DTNA: variants seen among roughly 807,000 people sequenced by gnomAD.
DTNA encodes dystrobrevin alpha.
Under a neutral mutation model 100.7 loss-of-function variants are expected in DTNA, and 43 were observed. That is an observed-to-expected ratio of 0.43 (90% confidence interval 0.33 to 0.55). The LOEUF (loss-of-function observed/expected upper bound fraction) is 0.55, where lower values mean the gene tolerates loss of function less well. Among genes scored for constraint, DTNA ranks in the 20% least tolerant of loss-of-function variants. The probability of loss-of-function intolerance (pLI) is 0.04; values close to 1 mark genes in which losing one functional copy is unlikely to be tolerated. For missense variants in DTNA, 798 were observed against 953.9 expected (o/e 0.84, Z 2.15); for synonymous variants, 349 against 347.9 (o/e 1.00, Z -0.04).
chr18:34,538,760 A>G (rs1281231876), intron 1 of DTNA, among the ~76,000 whole-genome samples: 1 of 152,022 alleles, frequency 6.6e-6, no homozygotes, highest in Non-Finnish European at 1.5e-5. Flanking sequence ...AATGAATTCT[A>G]CATGGTCTAA....
intron 3 of DTNA, among the ~76,000 whole-genome samples, chr18:34,793,407 T>A (rs1418151609): frequency 6.6e-6 from 1 of 152,238 alleles, no homozygotes; most frequent in African/African-American, 2.4e-5. Context: ...TTGACCAGCC[T>A]AGTTCAGTGA....
chr18:34,577,273 A>G (rs1263804739), intron 1 of DTNA, among the ~76,000 whole-genome samples: 1 of 152,112 alleles, frequency 6.6e-6, no homozygotes, highest in Admixed American at 6.5e-5. Flanking sequence ...AACATATCTA[A>G]TGTGTCTTAC....
intron 1 of DTNA, among the ~76,000 whole-genome samples, chr18:34,726,514 G>A (rs2086728020): frequency 6.6e-6 from 1 of 152,198 alleles, no homozygotes; most frequent in Non-Finnish European, 1.5e-5. Context: ...CAGGCATTGA[G>A]TAAACATTCC....
chr18:34,510,450 A>G (rs2144881615), intron 1 of DTNA, among the ~76,000 whole-genome samples: 1 of 151,954 alleles, frequency 6.6e-6, no homozygotes, highest in East Asian at 1.9e-4. Context: ...CAAGGCCGTG[A>G]CAAGACTGCA....
At chr18:34,660,632 T>C (rs192287614) in intron 1 of DTNA, among the ~76,000 whole-genome samples, 1 of 152,100 alleles carries the variant, frequency 6.6e-6, no homozygotes, top group African/African-American at 2.4e-5. Flanking sequence ...ACATTTACAA[T>C]CTAATCTCTC....
chr18:34,531,625 T>A (rs889295541), intron 1 of DTNA, among the ~76,000 whole-genome samples: 1 of 152,142 alleles, frequency 6.6e-6, no homozygotes, highest in Admixed American at 6.6e-5. Context: ...CACAAAATAT[T>A]TAATAAGACT....
chr18:34,503,638 A>G (rs2040182716), intron 1 of DTNA, among the ~76,000 whole-genome samples: 2 of 151,942 alleles, frequency 1.3e-5, no homozygotes, highest in South Asian at 2.1e-4. Flanking sequence ...TAATTGGTAT[A>G]TTTAAACCAT....
At chr18:34,785,976 T>G (rs1376337719) in intron 3 of DTNA, among the ~76,000 whole-genome samples, 1 of 152,188 alleles carries the variant, frequency 6.6e-6, no homozygotes, top group Non-Finnish European at 1.5e-5. Context: ...GTAATGAGTC[T>G]CAGGAACCTA....
At position 34,890,041 on chromosome 18, in the gene DTNA, A is replaced by T; in HGVS notation, c.*2307A>T. 1 of 1,299,948 alleles carries T rather than the reference A, an allele frequency of 7.7e-7. No individual in the cohort carries two copies. Among genetic ancestry groups the T allele is most frequent in the South Asian group, 2.2e-5 (1 of 45,756 alleles). 80.5% of individuals were successfully genotyped at this position (1,299,948 alleles called of 1,614,324 possible). ...TAGCCAGGTAGTTCTTGAACTCAGA[A>T]CTTAAATCCTGCACGTGGCACTCCA... On this transcript the variant is annotated 3_prime_UTR_variant, in exon 23 of 23. Transcript: ENST00000444659.
intron 1 of DTNA, among the ~76,000 whole-genome samples, chr18:34,513,228 T>G (rs1009195002): frequency 6.6e-6 from 1 of 152,096 alleles, no homozygotes; most frequent in Non-Finnish European, 1.5e-5. Flanking sequence ...CAGAAAACAC[T>G]GGTTGAGATT....
intron 2 of DTNA, among the ~76,000 whole-genome samples, chr18:34,765,749 T>C (rs1465057685): frequency 6.6e-6 from 1 of 152,196 alleles, no homozygotes; most frequent in African/African-American, 2.4e-5. Context: ...TAATCTCCAA[T>C]GTTGATTACA....
At chr18:34,498,098 T>G (rs1229971258) in intron 1 of DTNA, among the ~76,000 whole-genome samples, 1 of 151,818 alleles carries the variant, frequency 6.6e-6, no homozygotes, top group Non-Finnish European at 1.5e-5. Flanking sequence ...CTGGCCAATA[T>G]TGTGAAACCC....
chr18:34,720,041 C>T (rs771281464), intron 1 of DTNA, among the ~76,000 whole-genome samples: 4 of 152,002 alleles, frequency 2.6e-5, no homozygotes, highest in Non-Finnish European at 4.4e-5. Context: ...GAATTAAATG[C>T]GCTAATATTT....
chr18:34,765,603 A>G (rs1014939000), intron 2 of DTNA, among the ~76,000 whole-genome samples: 1 of 152,204 alleles, frequency 6.6e-6, no homozygotes, highest in African/African-American at 2.4e-5. Flanking sequence ...TGCACTTTAA[A>G]TGCTTATTTG....
At chr18:34,663,982 A>G (rs2075558798) in intron 1 of DTNA, among the ~76,000 whole-genome samples, 1 of 152,192 alleles carries the variant, frequency 6.6e-6, no homozygotes, top group African/African-American at 2.4e-5. Context: ...AATTGAGTTT[A>G]CTGTAATAGA....
chr18:34,531,849 C>G (rs2043170637), intron 1 of DTNA, among the ~76,000 whole-genome samples: 3 of 152,000 alleles, frequency 2.0e-5, no homozygotes, highest in Non-Finnish European at 2.9e-5. Context: ...TTTAAGTGGC[C>G]AAACAGAGGT....
intron 1 of DTNA, among the ~76,000 whole-genome samples, chr18:34,575,276 G>C (rs2048004855): frequency 6.6e-6 from 1 of 152,056 alleles, no homozygotes; most frequent in African/African-American, 2.4e-5. Flanking sequence ...GCTTCTTTTA[G>C]TGAATTTACT....
chr18:34,756,410 G>T (rs915292170), intron 2 of DTNA, among the ~76,000 whole-genome samples: 1 of 152,060 alleles, frequency 6.6e-6, no homozygotes, highest in Admixed American at 6.5e-5. Context: ...CACAGCAGCT[G>T]GCATATTGTA....
At chr18:34,535,486 CTTTAG>C (rs201526968) in intron 1 of DTNA, among the ~76,000 whole-genome samples, 3,746 of 152,054 alleles carry the variant, frequency 0.025, 147 homozygotes, top group African/African-American at 0.087. Flanking sequence ...TGCAGTAGCT[CTTTAG>C]TTTAATTAGA....
Sources: gnomAD v4.1 joint callset for allele counts (sites outside exome capture counted in the v4.1 genomes callset) on GRCh38, gnomAD v4.1.1 for gene constraint, MANE v1.5 for transcripts, NCBI Gene and HGNC (gene_info 2026-07-23, HGNC 2026-07-21) for gene names.